RARB: variants seen among roughly 807,000 people sequenced by gnomAD.
RARB encodes HBV-activated protein.
A neutral mutation model predicts 51.9 loss-of-function variants in RARB; 17 were observed. That is an observed-to-expected ratio of 0.33 (90% CI 0.22 to 0.49). The LOEUF (loss-of-function observed/expected upper bound fraction) is 0.49. Among genes scored for constraint, RARB ranks in the 20% least tolerant of loss-of-function variants. RARB has a pLI of 0.99. For synonymous variants in RARB, 215 were observed against 195.4 expected, an observed-to-expected ratio of 1.10 and a Z score of -0.84; for missense variants, 369 against 550.8, an observed-to-expected ratio of 0.67 and a Z score of 3.30.
chr3:24,947,329 G>A (rs1695797211), intron 2 of RARB, among the ~76,000 whole-genome samples: 1 of 152,176 alleles, frequency 6.6e-6, no homozygotes, highest in South Asian at 2.1e-4. Flanking sequence ...ATCCTATCGT[G>A]TTAATTTGTG....
At chr3:25,308,953 T>A (rs1381578744) in intron 5 of RARB, among the ~76,000 whole-genome samples, 4 of 152,068 alleles carry the variant, frequency 2.6e-5, no homozygotes, top group African/African-American at 9.7e-5. Context: ...AGAAGTTATA[T>A]TTCTTGTTAA....
At chr3:25,508,401 T>G (rs925242956) in intron 3 of RARB, among the ~76,000 whole-genome samples, 2 of 152,208 alleles carry the variant, frequency 1.3e-5, no homozygotes, top group Non-Finnish European at 2.9e-5. Flanking sequence ...ACTGTTAAAC[T>G]TAGATTAAAA....
rs763924899 is a variant in RARB at position 24,846,739 on chromosome 3, C to G, written c.-458-11935C>G. 2.2e-3 allele frequency among the ~76,000 whole-genome samples: 328 copies of G among 152,154 alleles called. 6 individuals carry two copies. Among genetic ancestry groups the G allele is most frequent in the Non-Finnish European group, 7.8e-4 (53 of 67,992 alleles). On this transcript the variant is annotated intron_variant, in intron 1 of 11. Coordinates refer to the RARB transcript ENST00000383772. ...AACAGAAGACCTTATGTTCCTTGAG[C>G]CAGGGCAAATGTTCCTTCACTGTCA... is the stretch of plus-strand genomic sequence containing the variant.
intron 1 of RARB, among the ~76,000 whole-genome samples, chr3:25,455,155 G>A (rs1007574204): frequency 2.0e-5 from 3 of 152,214 alleles, no homozygotes; most frequent in African/African-American, 7.2e-5. Context: ...CAGACATTGA[G>A]AGCAAGTGTT....
At chr3:25,444,806 G>A (rs569208136) in intron 1 of RARB, among the ~76,000 whole-genome samples, 31 of 152,272 alleles carry the variant, frequency 2.0e-4, no homozygotes, top group Non-Finnish European at 3.5e-4. Context: ...TTTGGGCTCC[G>A]GTAGATGTGT....
chr3:24,972,290 C>T (rs770518559), intron 2 of RARB, among the ~76,000 whole-genome samples: 2 of 151,948 alleles, frequency 1.3e-5, no homozygotes, highest in African/African-American at 2.4e-5. Context: ...ACTCCCAGTT[C>T]GATTTGTGTT....
At chr3:24,834,367 T>A (rs1284235900) in intron 1 of RARB, among the ~76,000 whole-genome samples, 1 of 152,170 alleles carries the variant, frequency 6.6e-6, no homozygotes. Context: ...ACAGTACATA[T>A]AATAAAAAAC....
chr3:25,506,971 G>T lies in RARB; in HGVS notation c.448+5648G>T, dbSNP rs982579088. Among the ~76,000 whole-genome samples the T allele has an allele frequency of 2.6e-5, 4 of 152,322 alleles. No homozygotes were observed. The East Asian group carries it at 7.7e-4, about 29-fold the overall frequency. On this transcript the variant is annotated intron_variant, in intron 3 of 7. Coordinates refer to ENST00000330688, the MANE Select transcript of RARB (RefSeq NM_000965.5). ...CTCCTTCTCCATCAGTTGAACCCCA[G>T]GAGCCTGATGAAATGTCATTTCCTC...
chr3:25,494,253 G>A (rs5004167), intron 2 of RARB, among the ~76,000 whole-genome samples: 5,679 of 131,828 alleles, frequency 0.043, 411 homozygotes, highest in African/African-American at 0.13. Context: ...TGTATCTTAC[G>A]CACACACACA....
chr3:25,167,956 T>C (rs1054230724), intron 4 of RARB, among the ~76,000 whole-genome samples: 1 of 152,248 alleles, frequency 6.6e-6, no homozygotes, highest in Admixed American at 6.5e-5. Context: ...AATCTGACAT[T>C]TGGGGAGTCC....
intron 2 of RARB, among the ~76,000 whole-genome samples, chr3:24,909,926 T>A (rs1322514245): frequency 6.6e-6 from 1 of 152,188 alleles, no homozygotes; most frequent in Admixed American, 6.5e-5. Context: ...TTCTCCACAG[T>A]AAAGTGTCGA....
intron 2 of RARB, among the ~76,000 whole-genome samples, chr3:25,493,207 A>G (rs1457508850): frequency 1.3e-5 from 2 of 152,052 alleles, no homozygotes; most frequent in Admixed American, 6.5e-5. Context: ...GTGTTTTTCT[A>G]CTTTCTCCCT....
chr3:24,855,363 A>G (rs890137241), intron 1 of RARB, among the ~76,000 whole-genome samples: 2 of 152,244 alleles, frequency 1.3e-5, no homozygotes, highest in Non-Finnish European at 2.9e-5. Flanking sequence ...GCAATACAAT[A>G]GAAAGGCATG....
intron 3 of RARB, among the ~76,000 whole-genome samples, chr3:25,516,243 G>T (rs1251737606): frequency 6.6e-6 from 1 of 151,974 alleles, no homozygotes; most frequent in Non-Finnish European, 1.5e-5. Flanking sequence ...TGTTATATTT[G>T]AAAAATTATT....
chr3:25,413,333 T>C (rs1294824964), intron 5 of RARB, among the ~76,000 whole-genome samples: 1 of 152,134 alleles, frequency 6.6e-6, no homozygotes, highest in Non-Finnish European at 1.5e-5. Context: ...TGCTGGAGAG[T>C]CTTCTATTGT....
At chr3:25,123,234 G>A (rs1049021734) in intron 3 of RARB, among the ~76,000 whole-genome samples, 1 of 152,156 alleles carries the variant, frequency 6.6e-6, no homozygotes, top group African/African-American at 2.4e-5. Context: ...TACTTTATGT[G>A]TGGTCTACTT....
chr3:25,257,348 C>T (rs528035545), intron 5 of RARB, among the ~76,000 whole-genome samples: 116 of 152,124 alleles, frequency 7.6e-4, no homozygotes, highest in African/African-American at 2.6e-3. Context: ...GAATTGCAAA[C>T]AGCCTTGCAG....
At chr3:25,273,885 G>A (rs6777760) in intron 5 of RARB, among the ~76,000 whole-genome samples, 68,050 of 151,940 alleles carry the variant, frequency 0.45, 16,149 homozygotes, top group East Asian at 0.69. Flanking sequence ...CAGGTTATGG[G>A]TGCAGGCCCC....
At chr3:24,913,501 A>G (rs2125381458) in intron 2 of RARB, among the ~76,000 whole-genome samples, 1 of 151,504 alleles carries the variant, frequency 6.6e-6, no homozygotes, top group African/African-American at 2.4e-5. Context: ...TGAAAAATAC[A>G]ATTTCAGAGT....
Sources: gnomAD v4.1 joint callset for allele counts (sites outside exome capture counted in the v4.1 genomes callset) on GRCh38, gnomAD v4.1.1 for gene constraint, MANE v1.5 for transcripts, NCBI Gene and HGNC (gene_info 2026-07-23, HGNC 2026-07-21) for gene names.